FGF9: variants seen among roughly 807,000 people sequenced by gnomAD.
FGF9 encodes the protein fibroblast growth factor 9 (glia-activating factor).
A neutral mutation model predicts 19.9 loss-of-function variants in FGF9; 3 were observed. That is an observed-to-expected ratio of 0.15 (90% confidence interval 0.07 to 0.39). The LOEUF (loss-of-function observed/expected upper bound fraction) is 0.39, where lower values mean the gene tolerates loss of function less well. Among genes scored for constraint, FGF9 ranks in the 10% least tolerant of loss-of-function variants. FGF9 has a pLI of 1.00. For missense variants in FGF9, 175 were observed against 256.8 expected, an observed-to-expected ratio of 0.68 and a Z score of 2.18; for synonymous variants, 107 against 106.9, an observed-to-expected ratio of 1.00 and a Z score of -0.01.
intron 2 of FGF9, among the ~76,000 whole-genome samples, chr13:21,690,392 C>T (rs1208491286): frequency 6.6e-6 from 1 of 152,148 alleles, no homozygotes; most frequent in Non-Finnish European, 1.5e-5. Context: ...CGTGCTTATA[C>T]ACACACTCAC....
At chr13:21,687,107 G>A (rs985848261) in intron 2 of FGF9, among the ~76,000 whole-genome samples, 1 of 152,210 alleles carries the variant, frequency 6.6e-6, no homozygotes, top group South Asian at 2.1e-4. Flanking sequence ...AGTAACCAAG[G>A]TATGATGGGT....
chr13:21,694,448 T>C (rs544586886), intron 2 of FGF9, among the ~76,000 whole-genome samples: 310 of 152,316 alleles, frequency 2.0e-3, no homozygotes, highest in Non-Finnish European at 3.9e-3. Context: ...TTGTAGCATG[T>C]CTTTCTTGAA....
chr13:21,693,935 A>G (rs1375066777), intron 2 of FGF9, among the ~76,000 whole-genome samples: 2 of 152,038 alleles, frequency 1.3e-5, no homozygotes, highest in Non-Finnish European at 2.9e-5. Context: ...AGCCCGTTTC[A>G]TTTGGTTTCT....
chr13:21,699,478 A>C (rs1185284179), intron 2 of FGF9, among the ~76,000 whole-genome samples: 1 of 152,192 alleles, frequency 6.6e-6, no homozygotes, highest in African/African-American at 2.4e-5. Flanking sequence ...GCCGGCCCTC[A>C]TGACCTCTTG....
intron 2 of FGF9, among the ~76,000 whole-genome samples, chr13:21,698,108 C>G (rs897976918): frequency 1.2e-4 from 18 of 152,270 alleles, no homozygotes; most frequent in East Asian, 3.9e-4. Context: ...GCGCCCGGCC[C>G]CCACGTAAGA....
In FGF9 at chr13:21,691,848, C is replaced by A. The variant is rs1872297824; in HGVS notation, c.382-9342C>A. On this transcript the variant is annotated intron_variant, in intron 2 of 2. Transcript: ENST00000382353. This position sits in a 1 kb window ranked among gnomAD's most constrained non-coding sequence, Gnocchi z 4.2. The stretch of plus-strand genomic sequence containing the variant: ...AGAAAAATGTCTGCATCCCTGACAC[C>A]CCCGTTGCAGAGGGCTTCCCCCGAG... Among the ~76,000 whole-genome samples the A allele has an allele frequency of 6.6e-6, 1 of 152,164 alleles. No homozygotes were observed. Among genetic ancestry groups the A allele is most frequent in the Admixed American group, 6.5e-5 (1 of 15,282 alleles).
At chr13:21,676,339 A>G (rs1210359592) in intron 1 of FGF9, among the ~76,000 whole-genome samples, 1 of 152,150 alleles carries the variant, frequency 6.6e-6, no homozygotes, top group East Asian at 1.9e-4. Flanking sequence ...GGGGAGAAAT[A>G]TGATAGTATG....
intron 2 of FGF9, among the ~76,000 whole-genome samples, chr13:21,690,837 G>A (rs1872273145): frequency 6.6e-6 from 1 of 152,212 alleles, no homozygotes; most frequent in Non-Finnish European, 1.5e-5. Flanking sequence ...TGATTTTGCT[G>A]TAGAAAACAT....
intron 2 of FGF9, among the ~76,000 whole-genome samples, chr13:21,681,817 T>A (rs1673793797): frequency 6.6e-6 from 1 of 152,188 alleles, no homozygotes; most frequent in Non-Finnish European, 1.5e-5. Context: ...TGGCGGGGAC[T>A]AACTTTCCAT....
At chr13:21,697,316 T>C (rs1036116078) in intron 2 of FGF9, among the ~76,000 whole-genome samples, 2 of 152,150 alleles carry the variant, frequency 1.3e-5, no homozygotes, top group African/African-American at 2.4e-5. Flanking sequence ...GCCCAGCTAA[T>C]TTTTTGTTTT....
chr13:21,692,579 G>A (rs1409223213), intron 2 of FGF9, among the ~76,000 whole-genome samples: 6 of 152,158 alleles, frequency 3.9e-5, no homozygotes, highest in South Asian at 2.1e-4. Flanking sequence ...ACGGGCTAAC[G>A]ATAGACACTT....
chr13:21,704,137 C>A lies in FGF9; in HGVS notation c.*2702C>A, dbSNP rs1872602845. ...AAGCCCAGTGAATGGCAGCCCTGAG[C>A]CACTGTGGAATGGGGGTTCTGGTTT... On this transcript the variant is annotated 3_prime_UTR_variant, in exon 3 of 3. Transcript: ENST00000382353. 6.6e-6 allele frequency: 1 copy of A among 152,130 alleles called. No individual in the cohort carries two copies. Among genetic ancestry groups the A allele is most frequent in the African/African-American group, 2.4e-5 (1 of 41,400 alleles). The allele number at this position is 152,130 out of a possible 1,614,324, so 9.4% of individuals were successfully genotyped here. A position where few individuals can be genotyped will look rare whatever the true frequency, so the allele number is the denominator to read the frequency against.
chr13:21,673,044 G>A (rs940597677), intron 1 of FGF9, among the ~76,000 whole-genome samples: 1 of 152,132 alleles, frequency 6.6e-6, no homozygotes, highest in Non-Finnish European at 1.5e-5. Flanking sequence ...TGGTGGCTCT[G>A]CCCACTTTAT....
intron 2 of FGF9, among the ~76,000 whole-genome samples, chr13:21,685,334 T>C (rs1026515286): frequency 6.6e-6 from 1 of 152,244 alleles, no homozygotes; most frequent in African/African-American, 2.4e-5. Flanking sequence ...GGGATTAATT[T>C]TCTCTTTTCA....
At chr13:21,686,621 C>A (rs4770190) in intron 2 of FGF9, among the ~76,000 whole-genome samples, 42,197 of 151,870 alleles carry the variant, frequency 0.28, 7,073 homozygotes, top group East Asian at 0.43. Context: ...AATTGTAATT[C>A]CTGCTGGTCT....
At chr13:21,685,683 A>G (rs1166495139) in intron 2 of FGF9, among the ~76,000 whole-genome samples, 1 of 152,242 alleles carries the variant, frequency 6.6e-6, no homozygotes, top group Non-Finnish European at 1.5e-5. Flanking sequence ...ACAGATAGCT[A>G]TACTTGTAAA....
chr13:21,694,320 G>A (rs938976680), intron 2 of FGF9, among the ~76,000 whole-genome samples: 1 of 151,904 alleles, frequency 6.6e-6, no homozygotes, highest in Admixed American at 6.6e-5. Context: ...TACAAATCAT[G>A]TGCTGAATTT....
Position 21,701,214 on chromosome 13 carries a change from T to C in FGF9, c.406T>C (p.Phe136Leu), listed in dbSNP as rs1338958021. The C allele has an allele frequency of 6.2e-7, 1 of 1,613,838 alleles. No individual in the cohort carries two copies. The highest frequency in any genetic ancestry group is 8.5e-7 in the Non-Finnish European group (1 of 1,179,850). ...GGAAAAACTAACCCAAGAGTGTGTA[T>C]TCAGAGAACAGTTCGAAGAAAACTG... Reference protein sequence around the residue: ...GSEKLTQECVFREQFEENWYN... With the variant: ...GSEKLTQECVLREQFEENWYN... Residue 136 changes from phenylalanine (F) to leucine (L), a missense_variant, in exon 3 of 3, where the codon TTC (phenylalanine) becomes CTC (leucine). Around this residue, in one of 3 missense-constraint regions of FGF9, gnomAD observed 101 missense variants for 160.7 expected, o/e 0.63. Transcript: ENST00000382353.
At chr13:21,689,376 G>A (rs867537652) in intron 2 of FGF9, among the ~76,000 whole-genome samples, 4 of 152,270 alleles carry the variant, frequency 2.6e-5, no homozygotes, top group African/African-American at 7.2e-5. Context: ...GCTTAAAACC[G>A]AGTCTTGCAT....
Sources: allele counts gnomAD v4.1 joint callset (sites outside exome capture counted in the v4.1 genomes callset), GRCh38; gene constraint gnomAD v4.1.1; regional missense constraint gnomAD v4.1.1; non-coding constraint Gnocchi (gnomAD v3.1); transcripts MANE v1.5; gene names NCBI Gene and HGNC (gene_info 2026-07-23, HGNC 2026-07-21).